TMEM178B: variants seen among roughly 807,000 people sequenced by gnomAD.
TMEM178B encodes transmembrane protein 178B.
A neutral mutation model predicts 31.0 loss-of-function variants in TMEM178B; 5 were observed. The observed-to-expected ratio is 0.16, with a 90% confidence interval of 0.08 to 0.34. The LOEUF (loss-of-function observed/expected upper bound fraction) is 0.34. Among genes scored for constraint, TMEM178B ranks in the 10% least tolerant of loss-of-function variants. The pLI is 1.00. For synonymous variants in TMEM178B, 164 were observed against 164.0 expected (o/e 1.00, Z 0.00); for missense variants, 275 against 400.3 (o/e 0.69, Z 2.67).
chr7:141,357,313 G>A (rs908985580), intron 2 of TMEM178B, among the ~76,000 whole-genome samples: 7 of 152,136 alleles, frequency 4.6e-5, no homozygotes, highest in Admixed American at 2.6e-4. Flanking sequence ...AAAATTTGTT[G>A]TAAAATTACC....
intron 2 of TMEM178B, among the ~76,000 whole-genome samples, chr7:141,292,033 C>T (rs1798556210): frequency 6.6e-6 from 1 of 150,588 alleles, no homozygotes. Flanking sequence ...AGACAGCATT[C>T]TGCTTTGTCA....
chr7:141,411,790 A>T (rs1451933598), intron 2 of TMEM178B, among the ~76,000 whole-genome samples: 1 of 152,212 alleles, frequency 6.6e-6, no homozygotes, highest in Admixed American at 6.5e-5. Flanking sequence ...CATTTTTCTT[A>T]CAAATAGGTT....
chr7:141,482,583 G>A (rs901071372), downstream of TMEM178B, among the ~76,000 whole-genome samples: 21 of 152,204 alleles, frequency 1.4e-4, no homozygotes, highest in Non-Finnish European at 2.4e-4. Flanking sequence ...ATTCTTGGTG[G>A]CTGGTATTAA....
chr7:141,113,417 T>C (rs779786073), intron 1 of TMEM178B, among the ~76,000 whole-genome samples: 3 of 152,146 alleles, frequency 2.0e-5, no homozygotes, highest in South Asian at 4.1e-4. Context: ...TTGAAAACCA[T>C]TGGACTAGAC....
At chr7:141,327,116 T>C (rs187822868) in intron 2 of TMEM178B, among the ~76,000 whole-genome samples, 47 of 152,298 alleles carry the variant, frequency 3.1e-4, no homozygotes, top group African/African-American at 1.1e-3. Context: ...CTCTCTAGAC[T>C]AAAATGTTTT....
chr7:141,473,330 T>C lies in TMEM178B; in HGVS notation c.*2544T>C, dbSNP rs1257911911. On this transcript the variant is annotated 3_prime_UTR_variant, in exon 4 of 4. Coordinates refer to ENST00000565468, the MANE Select transcript of TMEM178B (RefSeq NM_001195278.2). ...GACAGACAGGTTCACAAGCATCCAT[T>C]TGGGGGAGAGGGCTTGTCTATGACC... 5 of 152,120 alleles carry C rather than the reference T, an allele frequency of 3.3e-5. No homozygotes were observed. The highest frequency in any genetic ancestry group is 3.3e-4 in the Admixed American group (5 of 15,276). The allele number at this position is 152,120 out of a possible 1,614,324, so 9.4% of individuals were successfully genotyped here.
At chr7:141,312,767 G>A (rs1367250359) in intron 2 of TMEM178B, among the ~76,000 whole-genome samples, 1 of 152,224 alleles carries the variant, frequency 6.6e-6, no homozygotes, top group East Asian at 1.9e-4. Flanking sequence ...GTGGTCCATG[G>A]AGGGTGGTAA....
Position 141,285,039 on chromosome 7 carries a change from T to C in TMEM178B, c.496+72335T>C, listed in dbSNP as rs547092885. On this transcript the variant is annotated intron_variant, in intron 2 of 3. Coordinates refer to ENST00000565468, the MANE Select transcript of TMEM178B (RefSeq NM_001195278.2). ...AGGTCAAGCCTACCAGACTGAAAAG[T>C]GTATGTGAAAGCTCTTTAAAAAAAA... Among the ~76,000 whole-genome samples, 84 of 149,948 alleles carry C rather than the reference T, an allele frequency of 5.6e-4. 2 individuals carry two copies. The South Asian group carries it at 0.017, about 30-fold the overall frequency.
Position 141,259,887 on chromosome 7 carries a change from C to T in TMEM178B, c.496+47183C>T, listed in dbSNP as rs140194452. Among the ~76,000 whole-genome samples, 479 of 152,154 alleles carry T rather than the reference C, an allele frequency of 3.1e-3. 4 individuals are homozygous for T. Among genetic ancestry groups the T allele is most frequent in the African/African-American group, 0.011 (440 of 41,512 alleles). On this transcript the variant is annotated intron_variant, in intron 2 of 3. Coordinates refer to ENST00000565468, the MANE Select transcript of TMEM178B (RefSeq NM_001195278.2). Reference sequence around the variant, plus strand: ...ATGGGTCTCCCTGGCTTTTACTTTCCGTTATGCCCTTTGTGTCTCCTCTGT... The same window carrying T: ...ATGGGTCTCCCTGGCTTTTACTTTCTGTTATGCCCTTTGTGTCTCCTCTGT...
In TMEM178B at chr7:141,478,283, T is replaced by C. The variant is rs558547197; in HGVS notation, c.*7497T>C. The C allele has an allele frequency of 1.3e-5, 2 of 152,176 alleles. No individual in the cohort carries two copies. Among genetic ancestry groups the C allele is most frequent in the South Asian group, 2.1e-4 (1 of 4,806 alleles). The allele number at this position is 152,176 out of a possible 1,614,324, so 9.4% of individuals were successfully genotyped here. On this transcript the variant is annotated 3_prime_UTR_variant, in exon 4 of 4. Coordinates refer to ENST00000565468, the MANE Select transcript of TMEM178B (RefSeq NM_001195278.2). ...GCAGTAACCCTGAAGTAATAGGAAG[T>C]AGGAAAGAGGAGCAGGGATTAGGTA...
chr7:141,351,128 T>G (rs1013576220), intron 2 of TMEM178B, among the ~76,000 whole-genome samples: 1 of 152,258 alleles, frequency 6.6e-6, no homozygotes, highest in Non-Finnish European at 1.5e-5. Context: ...TCTCCTTTGA[T>G]GTAGAAAGCC....
chr7:141,255,329 T>C (rs1400992981), intron 2 of TMEM178B, among the ~76,000 whole-genome samples: 5 of 152,200 alleles, frequency 3.3e-5, no homozygotes, highest in Admixed American at 1.3e-4. Flanking sequence ...CAAGCGTACT[T>C]TGCATGTTGT....
intron 1 of TMEM178B, among the ~76,000 whole-genome samples, chr7:141,180,990 A>G (rs777464235): frequency 3.9e-5 from 6 of 151,990 alleles, no homozygotes; most frequent in Non-Finnish European, 7.4e-5. Context: ...CCACCCATCC[A>G]TCCACCCATC....
At position 141,472,559 on chromosome 7, in the gene TMEM178B, C is replaced by T. The variant is rs1267956789; in HGVS notation, c.*1773C>T. The T allele has an allele frequency of 1.3e-5, 2 of 152,170 alleles. No homozygotes were observed. Among genetic ancestry groups the T allele is most frequent in the Admixed American group, 6.5e-5 (1 of 15,274 alleles). The allele number at this position is 152,170 out of a possible 1,614,324, so 9.4% of individuals were successfully genotyped here. A position where few individuals can be genotyped will look rare whatever the true frequency, so the allele number is the denominator to read the frequency against. ...AGCCCTGGGGAGGCCAGGTGAGAAT[C>T]CCTGAGCTGGTGTAGCCATGGTCAA... On this transcript the variant is annotated 3_prime_UTR_variant, in exon 4 of 4. Transcript: ENST00000565468.
At chr7:141,103,573 C>T (rs1176399709) in intron 1 of TMEM178B, among the ~76,000 whole-genome samples, 1 of 151,926 alleles carries the variant, frequency 6.6e-6, no homozygotes, top group Non-Finnish European at 1.5e-5. Flanking sequence ...TTTCTGTCAC[C>T]CTGCCTGGCT....
intron 2 of TMEM178B, among the ~76,000 whole-genome samples, chr7:141,369,640 C>A (rs1294752833): frequency 6.6e-6 from 1 of 152,212 alleles, no homozygotes; most frequent in Non-Finnish European, 1.5e-5. Context: ...AGCTTGCTCT[C>A]TGCAGACTGG....
chr7:141,117,590 A>G (rs1208909073), intron 1 of TMEM178B, among the ~76,000 whole-genome samples: 2 of 152,142 alleles, frequency 1.3e-5, no homozygotes, highest in African/African-American at 4.8e-5. Context: ...GCCCATGCCT[A>G]TGTCCTGAAT....
At chr7:141,153,683 A>G (rs1796016618) in intron 1 of TMEM178B, among the ~76,000 whole-genome samples, 1 of 152,184 alleles carries the variant, frequency 6.6e-6, no homozygotes, top group South Asian at 2.1e-4. Context: ...ACCTTTTTAA[A>G]TGACAATGGA....
chr7:141,272,445 T>C (rs1401773049), intron 2 of TMEM178B, among the ~76,000 whole-genome samples: 5 of 152,234 alleles, frequency 3.3e-5, no homozygotes, highest in Non-Finnish European at 7.3e-5. Flanking sequence ...TTCCATGAAA[T>C]GATTCACTGA....
Sources: gnomAD v4.1 joint callset for allele counts (sites outside exome capture counted in the v4.1 genomes callset) on GRCh38, gnomAD v4.1.1 for gene constraint, MANE v1.5 for transcripts, NCBI Gene and HGNC (gene_info 2026-07-23, HGNC 2026-07-21) for gene names.